Variants in PAN3 observed in about 807,000 individuals in gnomAD.
The protein encoded by PAN3 is poly(A) specific ribonuclease subunit PAN3.
In PAN3, 19 loss-of-function variants were observed where a neutral mutation model predicts 96.2. That is an observed-to-expected ratio of 0.20 (90% CI 0.14 to 0.29). The LOEUF is 0.29. Ranked by LOEUF, PAN3 falls within the 10% of genes least tolerant of loss-of-function variation. The pLI is 1.00. For missense variants in PAN3, 882 were observed against 1,108.1 expected (o/e 0.80, Z 2.90); for synonymous variants, 433 against 406.6 (o/e 1.06, Z -0.78).
chr13:28,215,930 A>G (rs767611611), intron 5 of PAN3: 59 of 1,131,868 alleles, frequency 5.2e-5, no homozygotes, highest in Non-Finnish European at 7.5e-5. Context: ...CTCTAGTCTT[A>G]ATCAGTGGTG....
intron 1 of PAN3, among the ~76,000 whole-genome samples, chr13:28,142,759 G>A (rs575055447): frequency 6.6e-6 from 1 of 152,230 alleles, no homozygotes; most frequent in South Asian, 2.1e-4. Context: ...ATTTAATATA[G>A]AAGTACAAAT....
At chr13:28,197,932 CAATTATTTTT>C (rs2138236719) in intron 5 of PAN3, among the ~76,000 whole-genome samples, 1 of 152,030 alleles carries the variant, frequency 6.6e-6, no homozygotes, top group East Asian at 1.9e-4. Context: ...TACTTGAGTT[CAATTATTTTT>C]ACTACCCAAG....
At chr13:28,268,619 G>A (rs1385023748) in intron 12 of PAN3, among the ~76,000 whole-genome samples, 2 of 152,034 alleles carry the variant, frequency 1.3e-5, no homozygotes, top group Non-Finnish European at 2.9e-5. Context: ...TGTATTTAGG[G>A]AAGGTCTCAG....
In PAN3 at chr13:28,190,019, C is replaced by A. The variant is rs570281950; in HGVS notation, c.691-7166C>A. ...AGTCCAATGACACAATCTTGACTCA[C>A]TGCAAACTCTGCCCCCCGGGTTCAA... is the stretch of plus-strand genomic sequence containing the variant. On this transcript the variant is annotated intron_variant, in intron 4 of 18. Coordinates refer to ENST00000380958, the MANE Select transcript of PAN3 (RefSeq NM_175854.8). Among the ~76,000 whole-genome samples, 5 of 152,320 alleles carry A rather than the reference C, an allele frequency of 3.3e-5. No homozygotes were observed. The East Asian group carries it at 9.6e-4, about 29-fold the overall frequency.
Position 28,138,918 on chromosome 13 carries a change from C to T in PAN3, c.261C>T (p.Pro87=), listed in dbSNP as rs1292754488. Residue 87 remains proline (P), a synonymous_variant, in exon 1 of 19, where the codon CCC becomes CCT. Coordinates refer to ENST00000380958, the MANE Select transcript of PAN3 (RefSeq NM_175854.8). Reference sequence around the variant, plus strand: ...TCGGCCTCCATAGCAACAGCGTCCCCCTGGCTCTGGCTGGTGCACCCGTGG... The same window carrying T: ...TCGGCCTCCATAGCAACAGCGTCCCTCTGGCTCTGGCTGGTGCACCCGTGG... ...PGLGLHSNSV[P]LALAGAPVAG... 2 of 1,372,180 alleles carry T rather than the reference C, an allele frequency of 1.5e-6. No individual in the cohort carries two copies. The highest frequency in any genetic ancestry group is 1.5e-5 in the African/African-American group (1 of 66,652). 85.0% of individuals were successfully genotyped at this position (1,372,180 alleles called of 1,614,324 possible). A position where few individuals can be genotyped will look rare whatever the true frequency, so the allele number is the denominator to read the frequency against.
intron 6 of PAN3, among the ~76,000 whole-genome samples, chr13:28,244,788 A>T (rs1300908383): frequency 6.6e-6 from 1 of 150,982 alleles, no homozygotes; most frequent in Non-Finnish European, 1.5e-5. Flanking sequence ...GCTATTCTTG[A>T]TGCTTTTTTT....
chr13:28,256,747 C>A (rs1368008966), intron 7 of PAN3, among the ~76,000 whole-genome samples: 1 of 152,160 alleles, frequency 6.6e-6, no homozygotes, highest in Non-Finnish European at 1.5e-5. Context: ...TTGGACTAAA[C>A]TGGTTTAATC....
chr13:28,289,411 G>T (rs1345166427), intron 18 of PAN3, among the ~76,000 whole-genome samples: 1 of 152,002 alleles, frequency 6.6e-6, no homozygotes, highest in African/African-American at 2.4e-5. Flanking sequence ...CTGAATAGCT[G>T]GGACCACAGG....
chr13:28,277,435 TTTTTG>T lies in PAN3; in HGVS notation c.2189+64_2189+68del, dbSNP rs879228685. On this transcript the variant is annotated intron_variant, in intron 15 of 18. Transcript: ENST00000380958. Reference sequence around the variant, plus strand: ...GATTATTTGCGATAAGACAGAGCTTTTTTTGTTTTAAGTGATTGTTTTGGTTCCCA... The same window carrying T: ...GATTATTTGCGATAAGACAGAGCTTTTTTTAAGTGATTGTTTTGGTTCCCA... The T allele has an allele frequency of 1.0e-5, 16 of 1,527,482 alleles. No individual in the cohort carries two copies. The South Asian group carries it at 1.3e-4, about 12-fold the overall frequency. The allele number at this position is 1,527,482 out of a possible 1,614,324, so 94.6% of individuals were successfully genotyped here. A position where few individuals can be genotyped will look rare whatever the true frequency, so the allele number is the denominator to read the frequency against.
chr13:28,290,552 A>G (rs901681434), intron 18 of PAN3, among the ~76,000 whole-genome samples: 3 of 152,080 alleles, frequency 2.0e-5, no homozygotes, highest in Admixed American at 6.6e-5. Context: ...GTGGTGGTAC[A>G]TGCCTGTAAT....
At chr13:28,163,199 A>G (rs908712064) in intron 1 of PAN3, among the ~76,000 whole-genome samples, 6 of 152,210 alleles carry the variant, frequency 3.9e-5, no homozygotes, top group African/African-American at 1.4e-4. Context: ...ATAATAAAAA[A>G]TAAATTCAAA....
At chr13:28,191,355 A>T (rs765105857) in intron 4 of PAN3, among the ~76,000 whole-genome samples, 1 of 152,108 alleles carries the variant, frequency 6.6e-6, no homozygotes. Context: ...CCTCAAGTTC[A>T]TATCCTTCTT....
rs749807466 is a variant in PAN3 at position 28,266,767 on chromosome 13, G to T, written c.1464G>T (p.Leu488=). ...ATAGCCTATTCCCTCTAGAACCACT[G>T]CCACCTCCCAACCGGATACAGAAAT... ...SYHSLFPLEP[L]PPPNRIQKSS... The change falls in exon 10 of 19, where the codon CTG becomes CTT. Residue 488 remains leucine, a synonymous_variant. Transcript: ENST00000380958. The T allele has an allele frequency of 3.1e-6, 5 of 1,609,356 alleles. No homozygotes were observed. The South Asian group carries it at 4.4e-5, about 14-fold the overall frequency.
Position 28,289,653 on chromosome 13 carries a change from G to A in PAN3, c.2523+1531G>A, listed in dbSNP as rs568365853. 1.9e-4 allele frequency among the ~76,000 whole-genome samples: 29 copies of A among 152,302 alleles called. No individual in the cohort carries two copies. The South Asian group carries it at 4.3e-3, about 23-fold the overall frequency. The stretch of plus-strand genomic sequence containing the variant: ...TCCCAGCACTTTGGGAGGCCACGGC[G>A]GGCGGATCACGAGGTCAGGAGATCG... On this transcript the variant is annotated intron_variant, in intron 18 of 18. Coordinates refer to ENST00000380958, the MANE Select transcript of PAN3 (RefSeq NM_175854.8).
At chr13:28,256,075 TA>T (rs1314963971) in intron 6 of PAN3, among the ~76,000 whole-genome samples, 1 of 152,210 alleles carries the variant, frequency 6.6e-6, no homozygotes, top group Non-Finnish European at 1.5e-5. Context: ...TCTGCTAACA[TA>T]TTTGGAAATA....
Position 28,269,283 on chromosome 13 carries a change from T to C in PAN3, c.1793-1418T>C, listed in dbSNP as rs181573791. On this transcript the variant is annotated intron_variant, in intron 12 of 18. Transcript: ENST00000380958. ...TTCTTTTCCAGTAATTTTTTAATCA[T>C]AATTATTCTGTTTTTGGTGTTCACT... 3.9e-4 allele frequency among the ~76,000 whole-genome samples: 60 copies of C among 152,268 alleles called. 1 individual carries two copies. In the East Asian group the frequency reaches 0.011, roughly 29 times the overall value.
intron 1 of PAN3, among the ~76,000 whole-genome samples, chr13:28,152,392 T>C (rs1480807050): frequency 1.3e-5 from 2 of 152,102 alleles, no homozygotes; most frequent in African/African-American, 4.8e-5. Flanking sequence ...GAGACCAGCC[T>C]GGCCAACCTG....
chr13:28,173,748 C>T (rs563808464), intron 1 of PAN3, among the ~76,000 whole-genome samples: 1 of 152,318 alleles, frequency 6.6e-6, no homozygotes, highest in Non-Finnish European at 1.5e-5. Flanking sequence ...TACAGTCCTT[C>T]AGTATCATCC....
intron 5 of PAN3, among the ~76,000 whole-genome samples, chr13:28,199,789 C>T (rs892566983): frequency 6.6e-6 from 1 of 151,032 alleles, no homozygotes; most frequent in African/African-American, 2.4e-5. Flanking sequence ...TTTGTGTTTT[C>T]GACATATACT....
Sources: gnomAD v4.1 joint callset for allele counts (sites outside exome capture counted in the v4.1 genomes callset) on GRCh38, gnomAD v4.1.1 for gene constraint, MANE v1.5 for transcripts, NCBI Gene and HGNC (gene_info 2026-07-23, HGNC 2026-07-21) for gene names.